The following USH2A variants were observed in gnomAD, a reference collection of about 807,000 sequenced individuals.
USH2A encodes Usher syndrome 2A (autosomal recessive, mild).
USH2A carries 443 observed loss-of-function variants against 538.9 expected under a neutral mutation model. The ratio of observed to expected loss-of-function variants is 0.82; its 90% CI spans 0.76 to 0.89. The LOEUF is 0.89. Ranked by LOEUF, USH2A falls within the 40% of genes least tolerant of loss-of-function variation. USH2A has a pLI of 0.00. For synonymous variants in USH2A, 2,413 were observed against 2,273.5 expected (o/e 1.06, Z -1.75); for missense variants, 6,633 against 6,324.8 (o/e 1.05, Z -1.65).
At chr1:215,753,621 T>C (rs1660690067) in intron 58 of USH2A, among the ~76,000 whole-genome samples, 1 of 149,964 alleles carries the variant, frequency 6.7e-6, no homozygotes, top group South Asian at 2.1e-4. Context: ...TGAGAACACA[T>C]GGACACAGGA....
intron 36 of USH2A, among the ~76,000 whole-genome samples, chr1:215,969,255 C>T (rs115970710): frequency 0.015 from 2,226 of 152,256 alleles, 16 homozygotes; most frequent in Non-Finnish European, 0.025. Context: ...TAACTCTGTG[C>T]TGTAAGTCAG....
rs377299006 is a variant in USH2A, at chr1:216,070,081, T to C, written c.6049+20A>G. The C allele has an allele frequency of 1.4e-5, 22 of 1,613,368 alleles. No homozygotes were observed. The African/African-American group carries it at 2.7e-4, about 20-fold the overall frequency. On this transcript the variant is annotated intron_variant, in intron 30 of 71. Coordinates refer to ENST00000307340, the MANE Select transcript of USH2A (RefSeq NM_206933.4). ...AAAAGGAAGTTAATAGGGTCTACTC[T>C]GTTAAAGGATTGCATTTACCTGTGA...
At chr1:215,884,319 T>C (rs1032822003) in intron 41 of USH2A, among the ~76,000 whole-genome samples, 1 of 152,260 alleles carries the variant, frequency 6.6e-6, no homozygotes, top group Non-Finnish European at 1.5e-5. Context: ...GTTCAGTTTA[T>C]ATGTTGACTT....
At chr1:215,871,175 C>T (rs1452772934) in intron 43 of USH2A, among the ~76,000 whole-genome samples, 1 of 152,188 alleles carries the variant, frequency 6.6e-6, no homozygotes, top group African/African-American at 2.4e-5. Context: ...CCCTCCTCCA[C>T]TCCCCAAACA....
At chr1:216,174,129 T>C in intron 21 of USH2A, 1 of 985,298 alleles carries the variant, frequency 1.0e-6, no homozygotes, top group Non-Finnish European at 1.2e-6. Flanking sequence ...CCAGTCTCAA[T>C]GAAAAGCAAA....
intron 21 of USH2A, chr1:216,174,887 A>C: frequency 9.3e-7 from 1 of 1,078,448 alleles, no homozygotes; most frequent in Non-Finnish European, 1.1e-6. Context: ...CATACTGAGA[A>C]TCTCCAATAG....
chr1:215,844,429 T>G lies in USH2A; in HGVS notation c.9123A>C (p.Thr3041=). ...CAACACCATTTGGGTTTGAAGGAGA[T>G]GTCCAGATGACACGTACAGCTGTAC... ...INSTAVRVIW[T]SPSNPNGVVT... Residue 3041 remains threonine (T), a synonymous_variant, in exon 46 of 72, where the codon ACA becomes ACC. Coordinates refer to ENST00000307340, the MANE Select transcript of USH2A (RefSeq NM_206933.4). 4 of 1,613,404 alleles carry G rather than the reference T, an allele frequency of 2.5e-6. No individual in the cohort carries two copies. Among genetic ancestry groups the G allele is most frequent in the Non-Finnish European group, 3.4e-6 (4 of 1,179,874 alleles).
chr1:216,386,193 T>C (rs983767448), intron 3 of USH2A, among the ~76,000 whole-genome samples: 3 of 152,096 alleles, frequency 2.0e-5, no homozygotes, highest in Non-Finnish European at 4.4e-5. Flanking sequence ...AAATAGAAGT[T>C]ATTAAAAAGA....
Position 215,940,778 on chromosome 1 carries a change from T to C in USH2A, c.7121-5983A>G, listed in dbSNP as rs145672483. Reference sequence around the variant, plus strand: ...ATAGTGATTTTAATTAGTTGTCATCTAGTCAAAGCTGTACTTCTTTGACTC... The same window carrying C: ...ATAGTGATTTTAATTAGTTGTCATCCAGTCAAAGCTGTACTTCTTTGACTC... On this transcript the variant is annotated intron_variant, in intron 37 of 71. Transcript: ENST00000307340. 8.4e-3 allele frequency among the ~76,000 whole-genome samples: 1,279 copies of C among 152,324 alleles called. 16 individuals are homozygous for C. Among genetic ancestry groups the C allele is most frequent in the African/African-American group, 0.03 (1,227 of 41,584 alleles).
At chr1:215,839,630 T>C (rs1355269280) in intron 46 of USH2A, among the ~76,000 whole-genome samples, 1 of 152,164 alleles carries the variant, frequency 6.6e-6, no homozygotes, top group Non-Finnish European at 1.5e-5. Flanking sequence ...GATGATTATA[T>C]ATGTTTTAAC....
At chr1:216,204,655 A>G (rs1044197639) in intron 16 of USH2A, among the ~76,000 whole-genome samples, 2 of 152,172 alleles carry the variant, frequency 1.3e-5, no homozygotes, top group Non-Finnish European at 2.9e-5. Context: ...TATAATTCCT[A>G]ATGCCTTTAT....
In USH2A at chr1:216,048,544, A is replaced by G. The variant is rs754250829; in HGVS notation, c.6153T>C (p.Thr2051=). 1.2e-6 allele frequency: 2 copies of G among 1,613,890 alleles called. No homozygotes were observed. Among genetic ancestry groups the G allele is most frequent in the African/African-American group, 1.3e-5 (1 of 75,032 alleles). Reference sequence around the variant, plus strand: ...TTGAAATTACTTTACCTTCTTGTGGAGTAGAGATGTTCAATGCATGTGAGC... The same window carrying G: ...TTGAAATTACTTTACCTTCTTGTGGGGTAGAGATGTTCAATGCATGTGAGC... The part of the protein sequence containing the change: ...TESSHALNIS[T]PQEAPQEVQP... Residue 2051 remains threonine, a synonymous_variant, in exon 31 of 72, where the codon ACT becomes ACC. Coordinates refer to ENST00000307340, the MANE Select transcript of USH2A (RefSeq NM_206933.4).
intron 21 of USH2A, among the ~76,000 whole-genome samples, chr1:216,155,537 T>A (rs1024416948): frequency 3.3e-5 from 5 of 152,154 alleles, no homozygotes; most frequent in Non-Finnish European, 7.4e-5. Context: ...CCATTTTCCA[T>A]GCTCTTATGA....
At chr1:215,964,953 T>C (rs1043411301) in intron 37 of USH2A, among the ~76,000 whole-genome samples, 1 of 152,130 alleles carries the variant, frequency 6.6e-6, no homozygotes, top group Non-Finnish European at 1.5e-5. Context: ...ATGTTTTAGG[T>C]TTGAACCACT....
intron 58 of USH2A, among the ~76,000 whole-genome samples, chr1:215,745,611 T>C (rs1338363559): frequency 6.6e-6 from 1 of 152,156 alleles, no homozygotes. Context: ...CTCAAGACAA[T>C]ACTGCATGGT....
Position 216,086,718 on chromosome 1 carries a change from C to T in USH2A, c.4987+1G>A, listed in dbSNP as rs768117100. ...CATATAATATACCTTACTAAACTCA[C>T]CAGGATCCTTCCTGAGGATGGTATA... On this transcript the variant is annotated splice_donor_variant, in intron 24 of 71. Transcript: ENST00000307340. LOFTEE classifies it high-confidence loss of function. 6.2e-7 allele frequency: 1 copy of T among 1,610,408 alleles called. No individual in the cohort carries two copies. The highest frequency in any genetic ancestry group is 1.1e-5 in the South Asian group (1 of 90,934).
chr1:216,393,407 A>T (rs903015035), intron 3 of USH2A, among the ~76,000 whole-genome samples: 1 of 152,214 alleles, frequency 6.6e-6, no homozygotes, highest in Non-Finnish European at 1.5e-5. Context: ...AAGGTACATA[A>T]GTAATTTGCA....
At chr1:216,176,064 C>G (rs1030464967) in intron 20 of USH2A, among the ~76,000 whole-genome samples, 3 of 152,170 alleles carry the variant, frequency 2.0e-5, no homozygotes, top group Non-Finnish European at 4.4e-5. Context: ...TCCGTGCCAA[C>G]CAATGGGTAA....
intron 21 of USH2A, among the ~76,000 whole-genome samples, chr1:216,167,694 T>C (rs2034198547): frequency 6.6e-6 from 1 of 152,138 alleles, no homozygotes; most frequent in African/African-American, 2.4e-5. Flanking sequence ...GTCACCCACT[T>C]GGCCCTCTTC....
Sources: gnomAD v4.1 joint callset for allele counts (sites outside exome capture counted in the v4.1 genomes callset) on GRCh38, gnomAD v4.1.1 for gene constraint, MANE v1.5 for transcripts, NCBI Gene and HGNC (gene_info 2026-07-23, HGNC 2026-07-21) for gene names.